LOC128092253: variants seen among roughly 807,000 people sequenced by gnomAD.
At chr6:133,974,661 A>C in the LOC128092253 span, among the ~76,000 whole-genome samples, 1 of 152,238 alleles carries the variant, frequency 6.6e-6, no homozygotes, top group East Asian at 1.9e-4. Context: ...CTGGTTGACT[A>C]TAGTTCCACA....
At chr6:133,964,417 G>GT in the LOC128092253 span, among the ~76,000 whole-genome samples, 13 of 146,254 alleles carry the variant, frequency 8.9e-5, no homozygotes, top group East Asian at 4.0e-4. Context: ...TGAACTGTTT[G>GT]TTTTTTTTGT....
chr6:133,965,600 G>A, the LOC128092253 span, among the ~76,000 whole-genome samples: 3 of 151,140 alleles, frequency 2.0e-5, no homozygotes, highest in Non-Finnish European at 4.4e-5. Context: ...GTTATTGTTG[G>A]AGTTTTGTGG....
the LOC128092253 span, among the ~76,000 whole-genome samples, chr6:133,955,915 G>T: frequency 1.3e-5 from 2 of 152,136 alleles, no homozygotes; most frequent in Non-Finnish European, 2.9e-5. Context: ...CATTTGTGTG[G>T]ATGAACACAT....
the LOC128092253 span, among the ~76,000 whole-genome samples, chr6:133,978,945 A>C: frequency 6.6e-6 from 1 of 152,238 alleles, no homozygotes; most frequent in East Asian, 1.9e-4. Flanking sequence ...TTTGTGAGTT[A>C]AGTCAAATTG....
At chr6:133,971,707 T>C in the LOC128092253 span, among the ~76,000 whole-genome samples, 3 of 152,204 alleles carry the variant, frequency 2.0e-5, no homozygotes, top group Non-Finnish European at 4.4e-5. Context: ...TTTTTTCATA[T>C]ACCTGTTGGC....
the LOC128092253 span, among the ~76,000 whole-genome samples, chr6:133,968,512 G>A: frequency 6.6e-6 from 1 of 152,082 alleles, no homozygotes; most frequent in Admixed American, 6.5e-5. Context: ...TGCTTTAATA[G>A]AGCATATCAA....
At chr6:133,979,622 T>C in the LOC128092253 span, among the ~76,000 whole-genome samples, 1 of 152,156 alleles carries the variant, frequency 6.6e-6, no homozygotes, top group Admixed American at 6.6e-5. Context: ...AAAAATGACA[T>C]TTTTAGTGGG....
the LOC128092253 span, among the ~76,000 whole-genome samples, chr6:133,960,376 T>G: frequency 6.6e-6 from 1 of 151,898 alleles, no homozygotes; most frequent in African/African-American, 2.4e-5. Context: ...AATGGAAATC[T>G]GTAGGTCTCA....
chr6:133,968,032 CA>C, the LOC128092253 span, among the ~76,000 whole-genome samples: 4 of 145,072 alleles, frequency 2.8e-5, no homozygotes, highest in African/African-American at 1.0e-4. Context: ...TTTTTTGAGA[CA>C]GAGTCTTGCT....
At chr6:133,976,981 A>G in the LOC128092253 span, among the ~76,000 whole-genome samples, 1 of 151,938 alleles carries the variant, frequency 6.6e-6, no homozygotes, top group Admixed American at 6.6e-5. Context: ...AAAAAAAAAA[A>G]AGAAAAAAAA....
At chr6:133,961,534 T>C in the LOC128092253 span, among the ~76,000 whole-genome samples, 2 of 146,196 alleles carry the variant, frequency 1.4e-5, no homozygotes, top group Non-Finnish European at 3.0e-5. Context: ...AGTGGTGCAA[T>C]CTCGGCTCAT....
the LOC128092253 span, among the ~76,000 whole-genome samples, chr6:133,973,480 G>A: frequency 2.0e-5 from 3 of 152,146 alleles, no homozygotes; most frequent in South Asian, 6.2e-4. Flanking sequence ...TTATGACAGG[G>A]TTTATTGTGG....
the LOC128092253 span, among the ~76,000 whole-genome samples, chr6:133,973,607 TGTA>T: frequency 6.6e-6 from 1 of 152,158 alleles, no homozygotes; most frequent in African/African-American, 2.4e-5. Context: ...TTCAATTCAT[TGTA>T]GTTGCTGGAG....
chr6:133,963,458 T>C, the LOC128092253 span, among the ~76,000 whole-genome samples: 663 of 152,310 alleles, frequency 4.4e-3, 6 homozygotes, highest in Non-Finnish European at 8.2e-3. Flanking sequence ...ATAGTCTCAC[T>C]CTATAGCCCA....
chr6:133,957,366 G>C, the LOC128092253 span, among the ~76,000 whole-genome samples: 2 of 152,290 alleles, frequency 1.3e-5, no homozygotes, highest in African/African-American at 4.8e-5. Flanking sequence ...GGACATATGT[G>C]GATGATTTCA....
chr6:133,962,844 ATTG>A, the LOC128092253 span, among the ~76,000 whole-genome samples: 2 of 152,176 alleles, frequency 1.3e-5, no homozygotes, highest in East Asian at 3.8e-4. Context: ...TGTGGAACCT[ATTG>A]TTGAGCTTTT....
chr6:133,954,304 TA>T, the LOC128092253 span, among the ~76,000 whole-genome samples: 33 of 152,208 alleles, frequency 2.2e-4, no homozygotes, highest in Non-Finnish European at 4.3e-4. Flanking sequence ...AACTGTGACT[TA>T]AGAAAAGGGA....
At chr6:133,970,114 C>G in the LOC128092253 span, among the ~76,000 whole-genome samples, 5 of 152,172 alleles carry the variant, frequency 3.3e-5, no homozygotes, top group Admixed American at 3.3e-4. Flanking sequence ...TGTTAAGTAT[C>G]TGGTTTTTTG....
At chr6:133,974,001 T>C in the LOC128092253 span, among the ~76,000 whole-genome samples, 1 of 108,836 alleles carries the variant, frequency 9.2e-6, no homozygotes, top group African/African-American at 3.3e-5. Context: ...ATCCAGACTT[T>C]ACCAAAAAAA....
Sources: allele counts gnomAD v4.1 joint callset (sites outside exome capture counted in the v4.1 genomes callset), GRCh38; gene constraint gnomAD v4.1.1; transcripts MANE v1.5.